The following CRYBG1 variants were observed in gnomAD, a reference collection of about 807,000 sequenced individuals.
CRYBG1 encodes the protein crystallin beta-gamma domain containing 1.
In CRYBG1, 139 loss-of-function variants were observed where a neutral mutation model predicts 189.2. That is an observed-to-expected ratio of 0.73 (90% CI 0.64 to 0.85). The LOEUF is 0.85. Among genes scored for constraint, CRYBG1 ranks in the 40% least tolerant of loss-of-function variants. The pLI, the probability that CRYBG1 is intolerant of heterozygous loss-of-function variation, is 0.00. For missense variants in CRYBG1, 2,611 were observed against 2,675.8 expected, an observed-to-expected ratio of 0.98 and a Z score of 0.53; for synonymous variants, 1,023 against 1,017.1, an observed-to-expected ratio of 1.01 and a Z score of -0.11.
At chr6:106,466,713 A>G (rs575078891) in intron 2 of CRYBG1, among the ~76,000 whole-genome samples, 20 of 152,362 alleles carry the variant, frequency 1.3e-4, no homozygotes, top group African/African-American at 4.8e-4. Context: ...AGGTATCAGA[A>G]TCAAGGTATC....
intron 1 of CRYBG1, among the ~76,000 whole-genome samples, chr6:106,367,584 TAA>T (rs35734014): frequency 9.7e-6 from 1 of 103,432 alleles, no homozygotes; most frequent in Non-Finnish European, 1.8e-5. Context: ...AGACTCTGTC[TAA>T]AAAAAAAAAA....
chr6:106,446,024 G>A (rs1267947222), intron 1 of CRYBG1, among the ~76,000 whole-genome samples: 1 of 152,138 alleles, frequency 6.6e-6, no homozygotes, highest in Non-Finnish European at 1.5e-5. Context: ...GCACAACACT[G>A]TCAGTCAGTC....
At chr6:106,481,662 G>A (rs1772464324) in intron 2 of CRYBG1, among the ~76,000 whole-genome samples, 1 of 152,164 alleles carries the variant, frequency 6.6e-6, no homozygotes, top group Admixed American at 6.5e-5. Context: ...TCCTGTTGGG[G>A]GTCAAACAAA....
chr6:106,568,601 C>T lies in CRYBG1; in HGVS notation c.*35C>T, dbSNP rs41302047. ...GAAGAAGAATCTTCTGGAGGTCCTT[C>T]CAGCCACCTTATTTCTTAAAAAGGA... On this transcript the variant is annotated 3_prime_UTR_variant, in exon 22 of 22. Coordinates refer to ENST00000633556, the MANE Select transcript of CRYBG1 (RefSeq NM_001371242.2). The T allele has an allele frequency of 6.7e-7, 1 of 1,491,006 alleles. No homozygotes were observed. The highest frequency in any genetic ancestry group is 1.1e-5 in the South Asian group (1 of 88,042). 92.4% of individuals were successfully genotyped at this position (1,491,006 alleles called of 1,614,324 possible).
chr6:106,517,303 T>TAC lies in CRYBG1; in HGVS notation c.1923-1814_1923-1813dup, dbSNP rs754971135. On this transcript the variant is annotated intron_variant, in intron 3 of 21. Transcript: ENST00000633556. ...TGGAATATATATATACATATATATA[T>TAC]ACACACACACACACATATATATATA... 3.9e-3 allele frequency among the ~76,000 whole-genome samples: 533 copies of TAC among 136,210 alleles called. 8 individuals are homozygous for TAC. Among genetic ancestry groups the TAC allele is most frequent in the African/African-American group, 0.015 (463 of 31,888 alleles). 89.4% of individuals were successfully genotyped at this position (136,210 alleles called of 152,430 possible).
intron 2 of CRYBG1, among the ~76,000 whole-genome samples, chr6:106,508,198 G>A (rs891236473): frequency 5.9e-5 from 9 of 152,220 alleles, no homozygotes; most frequent in African/African-American, 7.2e-5. Flanking sequence ...AGCTGTGATC[G>A]TGCCACTGCA....
At chr6:106,449,172 G>A (rs4141622) in intron 1 of CRYBG1, among the ~76,000 whole-genome samples, 52,200 of 152,022 alleles carry the variant, frequency 0.34, 9,730 homozygotes, top group East Asian at 0.54. Flanking sequence ...TATGTAATAC[G>A]TAAGTATCTA....
intron 1 of CRYBG1, among the ~76,000 whole-genome samples, chr6:106,393,381 G>C (rs1313487357): frequency 1.3e-5 from 2 of 150,214 alleles, no homozygotes; most frequent in African/African-American, 4.9e-5. Flanking sequence ...CATCGTTAAA[G>C]GGTTGTAACG....
chr6:106,368,925 G>A (rs763731874), intron 1 of CRYBG1, among the ~76,000 whole-genome samples: 2 of 152,086 alleles, frequency 1.3e-5, no homozygotes, highest in Non-Finnish European at 2.9e-5. Flanking sequence ...AAAGCTTGAA[G>A]GAACCATATT....
In CRYBG1 at chr6:106,511,824, A is replaced by T. The variant is rs1262993206; in HGVS notation, c.707A>T (p.Glu236Val). 1 of 1,521,042 alleles carries T rather than the reference A, an allele frequency of 6.6e-7. No individual in the cohort carries two copies. Among genetic ancestry groups the T allele is most frequent in the East Asian group, 2.5e-5 (1 of 40,652 alleles). 94.2% of individuals were successfully genotyped at this position (1,521,042 alleles called of 1,614,324 possible). ...QCHENDSPQL[E>V]PLEAEGEPFP... The stretch of plus-strand genomic sequence containing the variant: ...CATGAAAATGATTCACCCCAATTAG[A>T]ACCTCTGGAGGCAGAGGGAGAGCCT... Residue 236 changes from glutamate to valine, a missense_variant, in exon 3 of 22, where the codon GAA (glutamate) becomes GTA (valine). Coordinates refer to ENST00000633556, the MANE Select transcript of CRYBG1 (RefSeq NM_001371242.2).
rs754198278 is a variant in CRYBG1 at position 106,572,011 on chromosome 6, TAC to T, written c.*3447_*3448del. 1.9e-6 allele frequency: 3 copies of T among 1,611,668 alleles called. No individual in the cohort carries two copies. The highest frequency in any genetic ancestry group is 2.5e-6 in the Non-Finnish European group (3 of 1,178,024). The stretch of plus-strand genomic sequence containing the variant: ...GCATTTTTATTTAAACAACATTAAT[TAC>T]AGTCTTTCCTCGTGCGTGTCCTCTT... On this transcript the variant is annotated 3_prime_UTR_variant, in exon 22 of 22. Coordinates refer to ENST00000633556, the MANE Select transcript of CRYBG1 (RefSeq NM_001371242.2).
chr6:106,478,692 A>C (rs1394611020), intron 2 of CRYBG1, among the ~76,000 whole-genome samples: 2 of 152,218 alleles, frequency 1.3e-5, no homozygotes, highest in African/African-American at 4.8e-5. Flanking sequence ...ACTGGGCTGC[A>C]CAGCAGGAGG....
At chr6:106,416,015 A>G (rs1398467576) in intron 1 of CRYBG1, among the ~76,000 whole-genome samples, 1 of 152,076 alleles carries the variant, frequency 6.6e-6, no homozygotes, top group Non-Finnish European at 1.5e-5. Flanking sequence ...TAAGCCTGCC[A>G]GCTTTGCGGT....
chr6:106,392,921 C>A (rs560059053), intron 1 of CRYBG1, among the ~76,000 whole-genome samples: 1 of 151,928 alleles, frequency 6.6e-6, no homozygotes, highest in East Asian at 1.9e-4. Context: ...GTTATAGGTG[C>A]GTGCCACCAC....
intron 1 of CRYBG1, among the ~76,000 whole-genome samples, chr6:106,422,344 A>ATTTATTTTTTTTTTTTTTTTTTTTTTTT (rs57640822): frequency 2.1e-5 from 3 of 139,926 alleles, no homozygotes; most frequent in East Asian, 2.2e-4. Flanking sequence ...TTATTTATTT[A>ATTTATTTTTTTTTTTTTTTTTTTTTTTT]TTTTTGAGAC....
At chr6:106,450,821 A>C (rs925148490) in intron 1 of CRYBG1, among the ~76,000 whole-genome samples, 3 of 152,204 alleles carry the variant, frequency 2.0e-5, no homozygotes, top group African/African-American at 7.2e-5. Context: ...TTTCTTCAGC[A>C]GACGCCTCTC....
rs370739506 is a variant in CRYBG1, at chr6:106,512,948, G to C, written c.1831G>C (p.Ala611Pro). The C allele has an allele frequency of 6.2e-7, 1 of 1,610,492 alleles. No individual in the cohort carries two copies. Among genetic ancestry groups the C allele is most frequent in the African/African-American group, 1.3e-5 (1 of 74,892 alleles). ...GGRSRELGRAAGAPGASDADG... is the reference protein window; with the variant it reads ...GGRSRELGRAPGAPGASDADG... ...TCGAAGCAGAGAGCTGGGCAGAGCG[G>C]CCGGAGCGCCTGGAGCTTCTGACGC... The change falls in exon 3 of 22, where the codon GCC becomes CCC. Residue 611 changes from alanine to proline, a missense_variant. Ala to Pro is a conservative substitution (Grantham distance 27). Coordinates refer to ENST00000633556, the MANE Select transcript of CRYBG1 (RefSeq NM_001371242.2).
intron 1 of CRYBG1, among the ~76,000 whole-genome samples, chr6:106,403,320 C>A (rs555785249): frequency 6.6e-6 from 1 of 152,268 alleles, no homozygotes; most frequent in East Asian, 1.9e-4. Flanking sequence ...CAGAGCAAGA[C>A]CCAGTCTCAG....
chr6:106,469,767 A>C (rs535595025), intron 2 of CRYBG1, among the ~76,000 whole-genome samples: 48 of 152,330 alleles, frequency 3.2e-4, no homozygotes, highest in African/African-American at 1.1e-3. Flanking sequence ...AATGGCATTA[A>C]AAGAAAAAAA....
Sources: gnomAD v4.1 joint callset for allele counts (sites outside exome capture counted in the v4.1 genomes callset) on GRCh38, gnomAD v4.1.1 for gene constraint, MANE v1.5 for transcripts, NCBI Gene and HGNC (gene_info 2026-07-23, HGNC 2026-07-21) for gene names.